The following DYNC2LI1 variants were observed in gnomAD, a reference collection of about 807,000 sequenced individuals.
DYNC2LI1 encodes dynein cytoplasmic 2 light intermediate chain 1.
DYNC2LI1 carries 45 observed loss-of-function variants against 51.9 expected under a neutral mutation model. The observed-to-expected ratio is 0.87, with a 90% CI of 0.68 to 1.11. DYNC2LI1 has a LOEUF of 1.11. Among genes scored for constraint, DYNC2LI1 ranks in the 50% most tolerant of loss-of-function variants. The pLI is 0.00. For synonymous variants in DYNC2LI1, 130 were observed against 137.8 expected (o/e 0.94, Z 0.40); for missense variants, 490 against 417.4 (o/e 1.17, Z -1.51).
intron 3 of DYNC2LI1, among the ~76,000 whole-genome samples, chr2:43,785,780 A>G (rs575818054): frequency 1.3e-5 from 2 of 152,100 alleles, no homozygotes; most frequent in South Asian, 2.1e-4. Context: ...AATCAAACTC[A>G]GAAACAAAAA....
At chr2:43,808,667 C>G (rs984989678) in intron 12 of DYNC2LI1, among the ~76,000 whole-genome samples, 1 of 152,136 alleles carries the variant, frequency 6.6e-6, no homozygotes, top group Non-Finnish European at 1.5e-5. Context: ...AATTCAAGAG[C>G]TATAGATAGA....
intron 3 of DYNC2LI1, among the ~76,000 whole-genome samples, chr2:43,786,956 C>T (rs919994497): frequency 6.6e-6 from 1 of 152,242 alleles, no homozygotes; most frequent in Admixed American, 6.5e-5. Flanking sequence ...TTTGCCCCAG[C>T]AGTGCCTTTA....
the DYNC2LI1 span, chr2:43,824,443 T>C: frequency 3.7e-6 from 6 of 1,613,366 alleles, no homozygotes; most frequent in Non-Finnish European, 5.1e-6. Context: ...CTAAAAGTTT[T>C]TCCCAAAAGA....
chr2:43,804,121 T>C (rs1037453175), intron 10 of DYNC2LI1, among the ~76,000 whole-genome samples: 2 of 152,350 alleles, frequency 1.3e-5, no homozygotes, highest in African/African-American at 4.8e-5. Context: ...TAATTCAATA[T>C]ACCAATATAC....
intron 8 of DYNC2LI1, among the ~76,000 whole-genome samples, chr2:43,800,403 A>C (rs573294710): frequency 1.2e-4 from 19 of 152,270 alleles, no homozygotes; most frequent in African/African-American, 4.3e-4. Context: ...AGGCAGCAAT[A>C]CGCCCTTGGA....
At chr2:43,810,421 C>T, downstream of DYNC2LI1, 2 of 985,386 alleles carry the variant, frequency 2.0e-6, no homozygotes, top group Non-Finnish European at 2.4e-6. Context: ...CAGGACAAAA[C>T]ATCATGTGTT....
At chr2:43,824,090 T>C in the DYNC2LI1 span, 1 of 1,614,194 alleles carries the variant, frequency 6.2e-7, no homozygotes, top group Non-Finnish European at 8.5e-7. Flanking sequence ...ACTGCCAGCT[T>C]ATTTCTCACC....
At chr2:43,808,224 C>T (rs1666340575) in intron 12 of DYNC2LI1, among the ~76,000 whole-genome samples, 1 of 151,030 alleles carries the variant, frequency 6.6e-6, no homozygotes, top group Non-Finnish European at 1.5e-5. Context: ...ATGATTATTA[C>T]CATGAAAATT....
intron 2 of DYNC2LI1, among the ~76,000 whole-genome samples, chr2:43,781,297 G>A (rs1285255780): frequency 6.6e-6 from 1 of 151,850 alleles, no homozygotes; most frequent in Non-Finnish European, 1.5e-5. Flanking sequence ...TGAACCCAGA[G>A]GCAGAGGTTT....
At chr2:43,824,310 C>T in the DYNC2LI1 span, 1 of 1,614,108 alleles carries the variant, frequency 6.2e-7, no homozygotes, top group East Asian at 2.2e-5. Flanking sequence ...TTCATTCTTT[C>T]AATATTCTTC....
the DYNC2LI1 span, chr2:43,828,287 C>T: frequency 2.7e-5 from 23 of 864,396 alleles, no homozygotes; most frequent in South Asian, 1.7e-4. Flanking sequence ...TGATCCAATT[C>T]GGCTTAAATC....
chr2:43,776,678 A>G (rs568465939), intron 1 of DYNC2LI1, 104 bp from the exon 2 acceptor site: 8 of 571,132 alleles, frequency 1.4e-5, no homozygotes, highest in African/African-American at 1.2e-4. Flanking sequence ...AATAATGTTC[A>G]TTTGTTTCAT....
At chr2:43,790,559 T>G (rs1029422170) in intron 5 of DYNC2LI1, among the ~76,000 whole-genome samples, 2 of 152,048 alleles carry the variant, frequency 1.3e-5, no homozygotes, top group African/African-American at 4.8e-5. Flanking sequence ...TTTTTTCCTT[T>G]TAGTGAAATA....
intron 12 of DYNC2LI1, among the ~76,000 whole-genome samples, chr2:43,807,743 C>CAAAAAA (rs536977133): frequency 3.8e-4 from 16 of 41,620 alleles, no homozygotes; most frequent in African/African-American, 4.3e-4. Context: ...TTTGTTAAAG[C>CAAAAAA]AAAAAAAAAA....
chr2:43,820,335 C>T, the DYNC2LI1 span, among the ~76,000 whole-genome samples: 2 of 152,206 alleles, frequency 1.3e-5, no homozygotes, highest in Non-Finnish European at 2.9e-5. Flanking sequence ...CCTTTCACGG[C>T]TCCTTCAGCT....
intron 1 of DYNC2LI1, among the ~76,000 whole-genome samples, chr2:43,774,772 C>G (rs1159151409): frequency 6.6e-6 from 1 of 151,998 alleles, no homozygotes. Context: ...GTCAGCTTTC[C>G]ATCAAGGGAT....
chr2:43,778,381 T>C (rs907814110), intron 2 of DYNC2LI1, among the ~76,000 whole-genome samples: 1 of 152,154 alleles, frequency 6.6e-6, no homozygotes, highest in African/African-American at 2.4e-5. Flanking sequence ...CTCAAACTCC[T>C]GGACTCAAGC....
the DYNC2LI1 span, chr2:43,823,937 C>G: frequency 6.2e-7 from 1 of 1,614,194 alleles, no homozygotes; most frequent in South Asian, 1.1e-5. Context: ...TTCAGCATGC[C>G]TGTGTACGGG....
rs115639551 is a variant in DYNC2LI1 at position 43,789,048 on chromosome 2, C to G, written c.232-585C>G. On this transcript the variant is annotated intron_variant, in intron 4 of 12. Transcript: ENST00000260605. Reference sequence around the variant, plus strand: ...TTTGAACTCTTGTTCCCCCACCTACCGTGTATTATTGTCAGTGGTAGCCTG... The same window carrying G: ...TTTGAACTCTTGTTCCCCCACCTACGGTGTATTATTGTCAGTGGTAGCCTG... Among the ~76,000 whole-genome samples, 1,011 of 152,290 alleles carry G rather than the reference C, an allele frequency of 6.6e-3. 12 individuals are homozygous for G. Among genetic ancestry groups the G allele is most frequent in the African/African-American group, 0.023 (956 of 41,562 alleles).
Sources: gnomAD v4.1 joint callset for allele counts (sites outside exome capture counted in the v4.1 genomes callset) on GRCh38, gnomAD v4.1.1 for gene constraint, MANE v1.5 for transcripts, NCBI Gene and HGNC (gene_info 2026-07-23, HGNC 2026-07-21) for gene names.